XXYLT1: variants seen among roughly 807,000 people sequenced by gnomAD.
XXYLT1 encodes UDP-xylose:alpha-xyloside alpha-1,3-xylosyltransferase.
In XXYLT1, 20 loss-of-function variants were observed where a neutral mutation model predicts 28.9. That is an observed-to-expected ratio of 0.69 (90% CI 0.49 to 1.00). XXYLT1 has a LOEUF of 1.00. XXYLT1 is among the 50% of genes least tolerant of loss of function. XXYLT1 has a pLI of 0.00. For missense variants in XXYLT1, 542 were observed against 560.1 expected (o/e 0.97, Z 0.33); for synonymous variants, 257 against 253.8 (o/e 1.01, Z -0.12).
At chr3:195,246,612 G>T (rs1247091882) in intron 1 of XXYLT1, among the ~76,000 whole-genome samples, 1 of 152,238 alleles carries the variant, frequency 6.6e-6, no homozygotes, top group Non-Finnish European at 1.5e-5. Context: ...CAGAGGCAGA[G>T]GGGGTGAGCC....
chr3:195,180,291 C>T lies in XXYLT1; in HGVS notation c.653-23710G>A. The stretch of plus-strand genomic sequence containing the variant: ...CGGTCCCCCAGTTACAGGAAAGGTC[C>T]CTTCCATCCTGGGGACCCAACTCAT... On this transcript the variant is annotated intron_variant, in intron 2 of 3. Coordinates refer to ENST00000310380, the MANE Select transcript of XXYLT1 (RefSeq NM_152531.5). The surrounding 1 kb of genome is among the most constrained non-coding windows in gnomAD (Gnocchi z 5.8). 3.1e-6 allele frequency: 3 copies of T among 982,786 alleles called. No individual in the cohort carries two copies. Among genetic ancestry groups the T allele is most frequent in the African/African-American group, 1.7e-5 (1 of 57,292 alleles). 60.9% of individuals were successfully genotyped at this position (982,786 alleles called of 1,614,324 possible).
At chr3:195,190,205 C>T (rs1420802957) in intron 2 of XXYLT1, among the ~76,000 whole-genome samples, 5 of 151,510 alleles carry the variant, frequency 3.3e-5, no homozygotes. Context: ...ATAAGAAATA[C>T]TAAATGAGGC....
chr3:195,169,290 C>T (rs531500063), intron 2 of XXYLT1, among the ~76,000 whole-genome samples: 8 of 152,372 alleles, frequency 5.3e-5, no homozygotes, highest in East Asian at 1.9e-4. Context: ...AAGTCTGCCA[C>T]GGTGAGTGTT....
At chr3:195,103,187 G>A (rs1199637241) in intron 3 of XXYLT1, among the ~76,000 whole-genome samples, 1 of 152,262 alleles carries the variant, frequency 6.6e-6, no homozygotes, top group Non-Finnish European at 1.5e-5. Context: ...GGACGGAAAT[G>A]CTGATTTGCT....
At chr3:195,183,169 G>T (rs960665038) in intron 2 of XXYLT1, among the ~76,000 whole-genome samples, 4 of 152,146 alleles carry the variant, frequency 2.6e-5, no homozygotes, top group Non-Finnish European at 5.9e-5. Context: ...TGTGTGATGT[G>T]GTTTGGCTGT....
intron 3 of XXYLT1, among the ~76,000 whole-genome samples, chr3:195,112,898 C>T (rs927800956): frequency 1.3e-5 from 2 of 151,072 alleles, no homozygotes; most frequent in African/African-American, 4.9e-5. Context: ...TACACGCAGC[C>T]CCCAGCCTCC....
intron 3 of XXYLT1, among the ~76,000 whole-genome samples, chr3:195,093,532 G>A (rs1380636791): frequency 6.9e-6 from 1 of 143,900 alleles, no homozygotes; most frequent in African/African-American, 2.7e-5. Context: ...GACTGTTGTG[G>A]GGTGGTGGGA....
At position 195,195,178 on chromosome 3, in the gene XXYLT1, C is replaced by T. The variant is rs1230731036; in HGVS notation, c.652+31531G>A. Among the ~76,000 whole-genome samples, 1 of 152,100 alleles carries T rather than the reference C, an allele frequency of 6.6e-6. No individual in the cohort carries two copies. Among genetic ancestry groups the T allele is most frequent in the Non-Finnish European group, 1.5e-5 (1 of 68,034 alleles). On this transcript the variant is annotated intron_variant, in intron 2 of 3. Coordinates refer to ENST00000310380, the MANE Select transcript of XXYLT1 (RefSeq NM_152531.5). This position sits in a 1 kb window ranked among gnomAD's most constrained non-coding sequence, Gnocchi z 4.4. ...GTTGACGTTAAATGCTATGGAGGGC[C>T]ACTGAGAACCCTCCAGTGATAAAGC...
rs1560100592 is a variant in XXYLT1, at chr3:195,110,262, TGG to T, written c.786-40153_786-40152del. Among the ~76,000 whole-genome samples the T allele has an allele frequency of 5.4e-4, 11 of 20,202 alleles. 1 individual carries two copies. Among genetic ancestry groups the T allele is most frequent in the Non-Finnish European group, 7.5e-4 (6 of 8,038 alleles). The allele number at this position is 20,202 out of a possible 152,430, so 13.3% of individuals were successfully genotyped here. A position where few individuals can be genotyped will look rare whatever the true frequency, so the allele number is the denominator to read the frequency against. On this transcript the variant is annotated intron_variant, in intron 3 of 3. Coordinates refer to ENST00000310380, the MANE Select transcript of XXYLT1 (RefSeq NM_152531.5). ...TGTGCGTGTGTGGGTGAAGTGTGTG[TGG>T]GTGTGTGGTGTGTGTGGGGTGTATG...
chr3:195,266,238 G>T (rs971391315), intron 1 of XXYLT1, among the ~76,000 whole-genome samples: 11 of 152,176 alleles, frequency 7.2e-5, no homozygotes, highest in Non-Finnish European at 1.3e-4. Flanking sequence ...GCTCACGCCT[G>T]TAATCCCAGC....
intron 2 of XXYLT1, among the ~76,000 whole-genome samples, chr3:195,198,189 G>A (rs1322772412): frequency 6.6e-6 from 1 of 152,170 alleles, no homozygotes; most frequent in Non-Finnish European, 1.5e-5. Context: ...AGCAAGTACT[G>A]ACACAAACAT....
intron 3 of XXYLT1, among the ~76,000 whole-genome samples, chr3:195,125,598 G>C (rs368923540): frequency 2.4e-3 from 367 of 152,360 alleles, no homozygotes; most frequent in Non-Finnish European, 4.2e-3. Flanking sequence ...TCTTTCGGTG[G>C]GGGGTCATCC....
intron 1 of XXYLT1, among the ~76,000 whole-genome samples, chr3:195,228,194 G>A (rs576615423): frequency 2.0e-5 from 3 of 152,124 alleles, no homozygotes; most frequent in African/African-American, 4.8e-5. Context: ...CATCAACTCC[G>A]AAGAGCCCAC....
intron 3 of XXYLT1, among the ~76,000 whole-genome samples, chr3:195,134,884 C>CGCGCGT (rs1719111963): frequency 4.5e-5 from 3 of 66,768 alleles, no homozygotes; most frequent in South Asian, 7.6e-4. Flanking sequence ...TGCGCGCGTG[C>CGCGCGT]GCGCACGTGC....
chr3:195,169,007 A>G (rs1295427428), intron 2 of XXYLT1, among the ~76,000 whole-genome samples: 1 of 152,220 alleles, frequency 6.6e-6, no homozygotes, highest in Non-Finnish European at 1.5e-5. Flanking sequence ...GGCTTAAAAC[A>G]ACAGTGTATT....
intron 3 of XXYLT1, among the ~76,000 whole-genome samples, chr3:195,107,885 C>A (rs1355721024): frequency 1.4e-5 from 2 of 143,112 alleles, no homozygotes; most frequent in Non-Finnish European, 2.9e-5. Context: ...CCCGCCCAGG[C>A]CTCCGCACAG....
chr3:195,200,494 C>A (rs1171789677), intron 2 of XXYLT1, among the ~76,000 whole-genome samples: 2 of 152,210 alleles, frequency 1.3e-5, no homozygotes, highest in Non-Finnish European at 2.9e-5. Context: ...GAAAATGCTT[C>A]TCCCAGTACT....
intron 3 of XXYLT1, among the ~76,000 whole-genome samples, chr3:195,089,674 C>G (rs1716021912): frequency 2.6e-5 from 4 of 151,664 alleles, no homozygotes; most frequent in Non-Finnish European, 4.4e-5. Flanking sequence ...TCACACATAA[C>G]AATATTAACT....
intron 3 of XXYLT1, among the ~76,000 whole-genome samples, chr3:195,098,740 T>C (rs1407825893): frequency 1.3e-5 from 2 of 152,192 alleles, no homozygotes; most frequent in Non-Finnish European, 2.9e-5. Context: ...TTTTTTCCTA[T>C]GGGTTCTGAC....
Sources: allele counts gnomAD v4.1 joint callset (sites outside exome capture counted in the v4.1 genomes callset), GRCh38; gene constraint gnomAD v4.1.1; non-coding constraint Gnocchi (gnomAD v3.1); transcripts MANE v1.5; gene names NCBI Gene and HGNC (gene_info 2026-07-23, HGNC 2026-07-21).